Variants in SEC14L6 observed in about 807,000 individuals in gnomAD.
SEC14L6 encodes SEC14-like protein 6.
In SEC14L6, 40 loss-of-function variants were observed where a neutral mutation model predicts 54.1. The observed-to-expected ratio is 0.74, with a 90% CI of 0.57 to 0.96. SEC14L6 has a LOEUF of 0.96. SEC14L6 is among the 40% of genes least tolerant of loss of function. The pLI is 0.00. For missense variants in SEC14L6, 471 were observed against 498.3 expected (o/e 0.95, Z 0.52); for synonymous variants, 171 against 198.4 (o/e 0.86, Z 1.16).
Position 30,533,995 on chromosome 22 carries a change from C to T in SEC14L6, c.174+1G>A, listed in dbSNP as rs1356972391. Reference sequence around the variant, plus strand: ...TAGGCAGGGGGAGGTGTCAACCTCACCTTCCTCAGCATGTCCTCTGATTTC... The same window carrying T: ...TAGGCAGGGGGAGGTGTCAACCTCATCTTCCTCAGCATGTCCTCTGATTTC... On this transcript the variant is annotated splice_donor_variant, in intron 3 of 11. Transcript: ENST00000402034. LOFTEE classifies it high-confidence loss of function. 1.3e-6 allele frequency: 2 copies of T among 1,550,564 alleles called. No individual in the cohort carries two copies. Among genetic ancestry groups the T allele is most frequent in the East Asian group, 2.4e-5 (1 of 40,934 alleles).
chr22:30,536,504 C>A (rs2085602148), intron 2 of SEC14L6, among the ~76,000 whole-genome samples: 3 of 152,154 alleles, frequency 2.0e-5, no homozygotes, highest in African/African-American at 7.2e-5. Context: ...CAAGAGCAAA[C>A]CTCTTCCCTA....
chr22:30,539,015 G>C, intron 1 of SEC14L6, 113 bp from the exon 2 acceptor site: 1 of 691,818 alleles, frequency 1.4e-6, no homozygotes, highest in Non-Finnish European at 2.5e-6. Context: ...ACTCGGGCTG[G>C]GAGGATCAGG....
At chr22:30,533,250 C>T in intron 3 of SEC14L6, 1 of 560,570 alleles carries the variant, frequency 1.8e-6, no homozygotes, top group Non-Finnish European at 2.3e-6. Context: ...TGGGGCCACC[C>T]TGTAACCTCA....
At chr22:30,532,984 C>T in intron 3 of SEC14L6, 128 bp from the exon 4 acceptor site, 1 of 1,504,734 alleles carries the variant, frequency 6.6e-7, no homozygotes, top group Non-Finnish European at 8.9e-7. Context: ...TCCCCAGGCT[C>T]CACTGACATA....
intron 3 of SEC14L6, 74 bp downstream of exon 3, chr22:30,533,922 A>G (rs1456359361): frequency 1.7e-5 from 23 of 1,319,582 alleles, no homozygotes; most frequent in Non-Finnish European, 2.3e-5. Flanking sequence ...TGGATGAATG[A>G]ATGAATAAAT....
Position 30,524,021 on chromosome 22 carries a change from G to A in SEC14L6, c.*976C>T, listed in dbSNP as rs1426760140. The A allele has an allele frequency of 1.3e-5, 2 of 152,136 alleles. No homozygotes were observed. The highest frequency in any genetic ancestry group is 2.9e-5 in the Non-Finnish European group (2 of 68,052). 9.4% of individuals were successfully genotyped at this position (152,136 alleles called of 1,614,324 possible). A position where few individuals can be genotyped will look rare whatever the true frequency, so the allele number is the denominator to read the frequency against. On this transcript the variant is annotated 3_prime_UTR_variant, in exon 12 of 12. Coordinates refer to ENST00000402034, the MANE Select transcript of SEC14L6 (RefSeq NM_001193336.4). ...TCCTTTATCAGATTCTCACACTCCAGGCCACTATCCACCTGCTGTAATCAC... is the reference window on the plus strand; with the variant it reads ...TCCTTTATCAGATTCTCACACTCCAAGCCACTATCCACCTGCTGTAATCAC...
intron 1 of SEC14L6, among the ~76,000 whole-genome samples, chr22:30,545,882 G>A (rs1024313021): frequency 6.6e-6 from 1 of 151,908 alleles, no homozygotes; most frequent in African/African-American, 2.4e-5. Context: ...CCAGGCTGGA[G>A]TGCAGTGGCA....
At chr22:30,537,702 A>G (rs1457060370) in intron 2 of SEC14L6, among the ~76,000 whole-genome samples, 1 of 152,224 alleles carries the variant, frequency 6.6e-6, no homozygotes, top group Non-Finnish European at 1.5e-5. Context: ...CCTTACAGCA[A>G]AGAGTAACCT....
At chr22:30,528,126 T>C (rs1936839409) in intron 8 of SEC14L6, among the ~76,000 whole-genome samples, 1 of 147,878 alleles carries the variant, frequency 6.8e-6, no homozygotes, top group African/African-American at 2.5e-5. Context: ...TTTCTTTTTT[T>C]TTTTTTTTTT....
chr22:30,538,463 G>A (rs978157030), intron 2 of SEC14L6, among the ~76,000 whole-genome samples: 1 of 152,132 alleles, frequency 6.6e-6, no homozygotes, highest in African/African-American at 2.4e-5. Flanking sequence ...GAAGCCAACT[G>A]CCATGTTGTG....
At position 30,525,379 on chromosome 22, in the gene SEC14L6, C is replaced by T; in HGVS notation, c.1052G>A (p.Gly351Glu). The T allele has an allele frequency of 2.5e-6, 4 of 1,614,190 alleles. No individual in the cohort carries two copies. Among genetic ancestry groups the T allele is most frequent in the Non-Finnish European group, 2.5e-6 (3 of 1,180,022 alleles). The change falls in exon 11 of 12, where the codon GGG (glycine) becomes GAG (glutamate). Residue 351 changes from glycine to glutamate, a missense_variant. By Grantham distance (98) the Gly-to-Glu change is moderately conservative. Transcript: ENST00000402034. ...RYNAHMVPED[G>E]ILTCLQAGSY... ...GCCGGCCTGGAGGCAGGTGAGAATCCCATCTTCAGGCACCATGTGGGCATT... is the reference window on the plus strand; with the variant it reads ...GCCGGCCTGGAGGCAGGTGAGAATCTCATCTTCAGGCACCATGTGGGCATT...
chr22:30,531,274 G>A (rs1384601122), intron 6 of SEC14L6, among the ~76,000 whole-genome samples: 1 of 151,948 alleles, frequency 6.6e-6, no homozygotes, highest in Non-Finnish European at 1.5e-5. Context: ...CGGGCGTGGT[G>A]GCAGGCGCCT....
chr22:30,525,304 C>A (rs1388298193), intron 11 of SEC14L6, 46 bp downstream of exon 11: 1 of 1,592,844 alleles, frequency 6.3e-7, no homozygotes, highest in Non-Finnish European at 8.6e-7. Context: ...TAGCACCCTC[C>A]CCCTAGCCCC....
chr22:30,529,162 G>C lies in SEC14L6; in HGVS notation c.589C>G (p.Leu197Val). 6.4e-7 allele frequency: 1 copy of C among 1,551,054 alleles called. No individual in the cohort carries two copies. Among genetic ancestry groups the C allele is most frequent in the Non-Finnish European group, 8.7e-7 (1 of 1,147,126 alleles). ...ACCAGGTTGAAGGCTACGGCGAATAGCTTGGGGGCTGAAACCAGGCACAGA... is the reference window on the plus strand; with the variant it reads ...ACCAGGTTGAAGGCTACGGCGAATACCTTGGGGGCTGAAACCAGGCACAGA... ...KSLIVVRAPK[L>V]FAVAFNLVKS... The change falls in exon 8 of 12, where the codon CTA (leucine) becomes GTA (valine). Residue 197 changes from leucine to valine, a missense_variant. Coordinates refer to ENST00000402034, the MANE Select transcript of SEC14L6 (RefSeq NM_001193336.4).
Position 30,529,348 on chromosome 22 carries a change from A to G in SEC14L6, c.521T>C (p.Phe174Ser). 3 of 1,550,352 alleles carry G rather than the reference A, an allele frequency of 1.9e-6. No homozygotes were observed. The highest frequency in any genetic ancestry group is 2.6e-6 in the Non-Finnish European group (3 of 1,146,832). The part of the protein sequence containing the change: ...WKPGIELLQE[F>S]FSALEANYPE... ...GTAATTTGCTTCAAGTGCTGAGAAA[A>G]ACTGCGGAACCAAGTGGCAGAAGTG... The change falls in exon 7 of 12, where the codon TTT becomes TCT. Residue 174 changes from phenylalanine to serine, a missense_variant and splice_region_variant. Transcript: ENST00000402034.
At chr22:30,541,946 T>C (rs765310485) in intron 1 of SEC14L6, among the ~76,000 whole-genome samples, 1 of 152,240 alleles carries the variant, frequency 6.6e-6, no homozygotes, top group African/African-American at 2.4e-5. Context: ...ATGGGTCAAG[T>C]TACCAACACA....
At chr22:30,545,717 C>T (rs1601907028) in intron 1 of SEC14L6, among the ~76,000 whole-genome samples, 1 of 152,322 alleles carries the variant, frequency 6.6e-6, no homozygotes, top group South Asian at 2.1e-4. Context: ...CGAGCTACTG[C>T]ACCAGACCAG....
At chr22:30,542,507 C>T (rs973355452) in intron 1 of SEC14L6, 48 of 740,232 alleles carry the variant, frequency 6.5e-5, no homozygotes, top group Non-Finnish European at 9.2e-5. Context: ...GGGGACCCGG[C>T]CTCTGGGCAG....
At chr22:30,528,268 C>G (rs927737677) in intron 8 of SEC14L6, among the ~76,000 whole-genome samples, 20 of 151,314 alleles carry the variant, frequency 1.3e-4, no homozygotes, top group African/African-American at 4.9e-4. Flanking sequence ...ATTACAGGCT[C>G]CTGCCACCAC....
Sources: gnomAD v4.1 joint callset for allele counts (sites outside exome capture counted in the v4.1 genomes callset) on GRCh38, gnomAD v4.1.1 for gene constraint, MANE v1.5 for transcripts, NCBI Gene and HGNC (gene_info 2026-07-23, HGNC 2026-07-21) for gene names.